The following LPCAT4 variants were observed in gnomAD, a reference collection of about 807,000 sequenced individuals.
LPCAT4 encodes the protein lysophospholipid acyltransferase LPCAT4.
Under a neutral mutation model 66.5 loss-of-function variants are expected in LPCAT4, and 30 were observed. The ratio of observed to expected loss-of-function variants is 0.45; its 90% CI spans 0.34 to 0.61. LPCAT4 has a LOEUF of 0.61. Among genes scored for constraint, LPCAT4 ranks in the 20% least tolerant of loss-of-function variants. LPCAT4 has a pLI of 0.01. For missense variants in LPCAT4, 557 were observed against 656.7 expected (o/e 0.85, Z 1.66); for synonymous variants, 253 against 262.1 (o/e 0.97, Z 0.34).
chr15:34,362,418 G>A, intron 9 of LPCAT4, 97 bp from the exon 10 acceptor site: 1 of 1,510,068 alleles, frequency 6.6e-7, no homozygotes, highest in Non-Finnish European at 9.1e-7. Context: ...AGTAGATCAG[G>A]CCCCTTTAAA....
chr15:34,359,051 G>A lies in LPCAT4; in HGVS notation c.*76C>T, dbSNP rs1890876822. The stretch of plus-strand genomic sequence containing the variant: ...AACAACAATAACAAAATTCAAACAG[G>A]AGCAGAGATGGGGCTGAGGCATAGG... On this transcript the variant is annotated 3_prime_UTR_variant, in exon 14 of 14. Transcript: ENST00000314891. 5 of 1,175,798 alleles carry A rather than the reference G, an allele frequency of 4.3e-6. No individual in the cohort carries two copies. The highest frequency in any genetic ancestry group is 3.2e-5 in the Admixed American group (1 of 31,604). 72.8% of individuals were successfully genotyped at this position (1,175,798 alleles called of 1,614,324 possible). A position where few individuals can be genotyped will look rare whatever the true frequency, so the allele number is the denominator to read the frequency against.
Position 34,363,166 on chromosome 15 carries a change from G to A in LPCAT4, c.746+256C>T, listed in dbSNP as rs1220713660. Among the ~76,000 whole-genome samples, 4 of 152,176 alleles carry A rather than the reference G, an allele frequency of 2.6e-5. No individual in the cohort carries two copies. Among genetic ancestry groups the A allele is most frequent in the South Asian group, 2.1e-4 (1 of 4,828 alleles). On this transcript the variant is annotated intron_variant, in intron 7 of 13. Transcript: ENST00000314891. This position sits in a 1 kb window ranked among gnomAD's most constrained non-coding sequence, Gnocchi z 4.3. ...GGTTCTCAGGAAGGGATAATTGAGGGAGAAAATCACAGAAACATGGGAAGA... is the reference window on the plus strand; with the variant it reads ...GGTTCTCAGGAAGGGATAATTGAGGAAGAAAATCACAGAAACATGGGAAGA...
chr15:34,366,218 G>T (rs1390425), intron 1 of LPCAT4, among the ~76,000 whole-genome samples: 107,570 of 152,060 alleles, frequency 0.71, 38,200 homozygotes, highest in East Asian at 0.8. Context: ...AGCAATCTTA[G>T]AGTACCGGGG....
chr15:34,361,420 C>A lies in LPCAT4; in HGVS notation c.1123G>T (p.Ala375Ser). The A allele has an allele frequency of 6.2e-7, 1 of 1,614,194 alleles. No individual in the cohort carries two copies. The change falls in exon 11 of 14, where the codon GCC (alanine) becomes TCC (serine). Residue 375 changes from alanine to serine, a missense_variant. Coordinates refer to ENST00000314891, the MANE Select transcript of LPCAT4 (RefSeq NM_153613.3). ...TTTACCTGCTGGAAGTAGCCAAAGGCACCAGCCACCGTCTGAGGATCAGAG... is the reference window on the plus strand; with the variant it reads ...TTTACCTGCTGGAAGTAGCCAAAGGAACCAGCCACCGTCTGAGGATCAGAG... ...QLSDPQTVAG[A>S]FGYFQQDTKG...
chr15:34,366,811 C>A, intron 1 of LPCAT4, 176 bp downstream of exon 1: 1 of 831,898 alleles, frequency 1.2e-6, no homozygotes, highest in South Asian at 1.6e-5. Flanking sequence ...AGCGTCCTCT[C>A]CAGGACTCCT....
Position 34,363,024 on chromosome 15 carries a change from C to T in LPCAT4, c.747-188G>A. On this transcript the variant is annotated intron_variant, in intron 7 of 13. Transcript: ENST00000314891. The surrounding 1 kb of genome is among the most constrained non-coding windows in gnomAD (Gnocchi z 4.3). ...TGCAGTTGGGAGACACAAGGAACGGCCAGAAACGCGGTAGGGAAAGAGAGC... is the reference window on the plus strand; with the variant it reads ...TGCAGTTGGGAGACACAAGGAACGGTCAGAAACGCGGTAGGGAAAGAGAGC... 2 of 645,204 alleles carry T rather than the reference C, an allele frequency of 3.1e-6. No individual in the cohort carries two copies. The highest frequency in any genetic ancestry group is 5.5e-6 in the Non-Finnish European group (2 of 361,080). The allele number at this position is 645,204 out of a possible 1,614,324, so 40.0% of individuals were successfully genotyped here.
rs928425578 is a variant in LPCAT4 at position 34,362,502 on chromosome 15, G to A, written c.884+71C>T. 1.7e-4 allele frequency: 245 copies of A among 1,460,748 alleles called. 2 individuals are homozygous for A. The highest frequency in any genetic ancestry group is 2.7e-4 in the East Asian group (12 of 43,754). The allele number at this position is 1,460,748 out of a possible 1,614,324, so 90.5% of individuals were successfully genotyped here. On this transcript the variant is annotated intron_variant, in intron 9 of 13. Transcript: ENST00000314891. ...TCCTCGATCTTTGCCTGAAAACCTC[G>A]CCCCCTCCACGCCCCTGTGGTTCCT...
At position 34,363,224 on chromosome 15, in the gene LPCAT4, C is replaced by A. The variant is rs1461448627; in HGVS notation, c.746+198G>T. On this transcript the variant is annotated intron_variant, in intron 7 of 13. Transcript: ENST00000314891. The surrounding 1 kb of genome is among the most constrained non-coding windows in gnomAD (Gnocchi z 4.3). ...ATAGCAGCCATAATCACAGCAGGAA[C>A]AGTTTAGGTGGGATAGCTAATCTAA... 6.6e-6 allele frequency among the ~76,000 whole-genome samples: 1 copy of A among 152,172 alleles called. No individual in the cohort carries two copies. The highest frequency in any genetic ancestry group is 1.5e-5 in the Non-Finnish European group (1 of 68,034).
chr15:34,363,793 T>C lies in LPCAT4; in HGVS notation c.653-74A>G. 6.5e-7 allele frequency: 1 copy of C among 1,541,326 alleles called. No homozygotes were observed. Among genetic ancestry groups the C allele is most frequent in the Non-Finnish European group, 9.0e-7 (1 of 1,114,084 alleles). On this transcript the variant is annotated intron_variant, in intron 5 of 13. Transcript: ENST00000314891. The surrounding 1 kb of genome is among the most constrained non-coding windows in gnomAD (Gnocchi z 4.3). ...AGAAGTAGCTAGAGGGCATGAGGTA[T>C]GGCAGTCTGGGACAGTTCTCAAATG... is the stretch of plus-strand genomic sequence containing the variant.
At position 34,362,272 on chromosome 15, in the gene LPCAT4, C is replaced by T. The variant is rs1277627841; in HGVS notation, c.934G>A (p.Val312Met). 1.2e-5 allele frequency: 19 copies of T among 1,614,010 alleles called. 1 individual carries two copies. The highest frequency in any genetic ancestry group is 1.6e-5 in the Non-Finnish European group (19 of 1,180,046). The change falls in exon 10 of 14, where the codon GTG becomes ATG. Residue 312 changes from valine (V) to methionine (M), a missense_variant. By Grantham distance (21) the Val-to-Met change is conservative (BLOSUM62 1). Coordinates refer to ENST00000314891, the MANE Select transcript of LPCAT4 (RefSeq NM_153613.3). Reference protein sequence around the residue: ...TECEFVGSLPVIVVGRLKVAL... With the variant: ...TECEFVGSLPMIVVGRLKVAL... ...ACCTTCAGCCGGCCCACCACAATCA[C>T]AGGTAAGCTCCCTACAAACTCACAT...
At chr15:34,362,360 C>T in intron 9 of LPCAT4, 39 bp from the exon 10 acceptor site, 1 of 1,612,354 alleles carries the variant, frequency 6.2e-7, no homozygotes, top group East Asian at 2.2e-5. Context: ...GGTAAGGAAG[C>T]AGAAGAAACT....
In LPCAT4 at chr15:34,364,505, A is replaced by T. The variant is rs1374635041; in HGVS notation, c.479-199T>A. 10 of 467,784 alleles carry T rather than the reference A, an allele frequency of 2.1e-5. No individual in the cohort carries two copies. The Admixed American group carries it at 3.1e-4, about 15-fold the overall frequency. The allele number at this position is 467,784 out of a possible 1,614,324, so 29.0% of individuals were successfully genotyped here. A position where few individuals can be genotyped will look rare whatever the true frequency, so the allele number is the denominator to read the frequency against. ...ATGGCTCGATCTCAGCTCACCGCAA[A>T]CTCCACCTCCTGGGTTCAAGTGATT... On this transcript the variant is annotated intron_variant, in intron 3 of 13. Transcript: ENST00000314891.
chr15:34,367,053 G>A lies in LPCAT4; in HGVS notation c.48C>T (p.Pro16=), dbSNP rs201839751. Residue 16 remains proline, a synonymous_variant, in exon 1 of 14, where the codon CCC becomes CCT. Coordinates refer to ENST00000314891, the MANE Select transcript of LPCAT4 (RefSeq NM_153613.3). ...PGDWAPLDPT[P]GPPASPNPFV... ...AGGGGTTGGGGGATGCTGGGGGTCC[G>A]GGGGTGGGATCTAGGGGGGCCCAGT... The A allele has an allele frequency of 4.5e-6, 7 of 1,558,984 alleles. No individual in the cohort carries two copies. In the Admixed American group the frequency reaches 1.2e-4, roughly 26 times the overall value.
In LPCAT4 at chr15:34,359,736, C is replaced by A; in HGVS notation, c.1252G>T (p.Glu418Ter). 1 of 1,612,436 alleles carries A rather than the reference C, an allele frequency of 6.2e-7. No homozygotes were observed. The highest frequency in any genetic ancestry group is 8.5e-7 in the Non-Finnish European group (1 of 1,179,554). The change falls in exon 13 of 14, where the codon GAA (glutamate) becomes TAA (stop). Residue 418 changes from glutamate to a stop codon, truncating the protein, a stop_gained. Transcript: ENST00000314891. LOFTEE classifies it high-confidence loss of function. ...CGGTTGGGACCCTCTGCTTGCTCTT[C>A]AGCAAAGAGCTTGGGAGAGAAAGGG... Reference protein sequence around the residue: ...LTRLAFELFAEEQAEGPNRLL... With the variant: ...LTRLAFELFA
At position 34,363,535 on chromosome 15, in the gene LPCAT4, G is replaced by T. The variant is rs1025984428; in HGVS notation, c.712-79C>A. 3.1e-6 allele frequency: 5 copies of T among 1,596,798 alleles called. No individual in the cohort carries two copies. The Admixed American group carries it at 8.4e-5, about 27-fold the overall frequency. On this transcript the variant is annotated intron_variant, in intron 6 of 13. Transcript: ENST00000314891. The surrounding 1 kb of genome is among the most constrained non-coding windows in gnomAD (Gnocchi z 4.3). ...CTGGCCAATCACCTTTGAACAGAGG[G>T]CCTGATCCCACCTCTGGTCACAGCC... is the stretch of plus-strand genomic sequence containing the variant.
chr15:34,359,209 T>TGGGAGGTGCCTC lies in LPCAT4; in HGVS notation c.1481_1492dup (p.Arg494_Ser497dup). On this transcript the variant is annotated inframe_insertion, in exon 14 of 14. Coordinates refer to ENST00000314891, the MANE Select transcript of LPCAT4 (RefSeq NM_153613.3). ...GCCTGGGGATGAGGCATTTGGTGTC[T>TGGGAGGTGCCTC]GGGAGGTGCCTCGAGAGGTGTGTGG... The TGGGAGGTGCCTC allele has an allele frequency of 6.2e-7, 1 of 1,600,154 alleles. No homozygotes were observed. The highest frequency in any genetic ancestry group is 8.5e-7 in the Non-Finnish European group (1 of 1,173,418).
chr15:34,361,168 C>G, intron 11 of LPCAT4: 1 of 1,365,096 alleles, frequency 7.3e-7, no homozygotes, highest in South Asian at 1.6e-5. Context: ...ATAGTCCTTA[C>G]TGATTATTTC....
chr15:34,360,503 G>T (rs945678861), intron 11 of LPCAT4, among the ~76,000 whole-genome samples: 4 of 152,252 alleles, frequency 2.6e-5, no homozygotes, highest in African/African-American at 9.6e-5. Flanking sequence ...TGACATGCCA[G>T]CGGAGGGCAG....
At position 34,359,283 on chromosome 15, in the gene LPCAT4, G is replaced by A. The variant is rs777054802; in HGVS notation, c.1419C>T (p.Ser473=). ...GTTTCCCATAGAGTGGGTCATGGAG[G>A]GAGAAGTTCTGGAACTGACCTGGAC... is the stretch of plus-strand genomic sequence containing the variant. ...GLSLCQFQNF[S]LHDPLYGKLF... The change falls in exon 14 of 14, where the codon TCC becomes TCT. Residue 473 remains serine (S), a synonymous_variant. Coordinates refer to ENST00000314891, the MANE Select transcript of LPCAT4 (RefSeq NM_153613.3). 4 of 1,538,912 alleles carry A rather than the reference G, an allele frequency of 2.6e-6. No individual in the cohort carries two copies. In the Admixed American group the frequency reaches 8.3e-5, roughly 32 times the overall value.
Sources: allele counts gnomAD v4.1 joint callset (sites outside exome capture counted in the v4.1 genomes callset), GRCh38; gene constraint gnomAD v4.1.1; non-coding constraint Gnocchi (gnomAD v3.1); transcripts MANE v1.5; gene names NCBI Gene and HGNC (gene_info 2026-07-23, HGNC 2026-07-21).